PARP16: variants seen among roughly 807,000 people sequenced by gnomAD.
PARP16 encodes the protein poly(ADP-ribose) polymerase family member 16.
A neutral mutation model predicts 35.0 loss-of-function variants in PARP16; 31 were observed. The observed-to-expected ratio is 0.88, with a 90% CI of 0.66 to 1.19. The LOEUF is 1.19. Among genes scored for constraint, PARP16 ranks in the 50% most tolerant of loss-of-function variants. The probability of loss-of-function intolerance (pLI) is 0.00; values close to 1 mark genes in which losing one functional copy is unlikely to be tolerated. For missense variants in PARP16, 424 were observed against 411.2 expected, an observed-to-expected ratio of 1.03 and a Z score of -0.27; for synonymous variants, 162 against 169.5, an observed-to-expected ratio of 0.96 and a Z score of 0.34.
chr15:65,263,022 G>A (rs559885283), intron 4 of PARP16, 127 bp downstream of exon 4: 95 of 809,444 alleles, frequency 1.2e-4, no homozygotes, highest in South Asian at 1.7e-4. Context: ...GACCCTGTCC[G>A]GCACTGCCCT....
At chr15:65,285,647 T>C in intron 1 of PARP16, 1 of 178,684 alleles carries the variant, frequency 5.6e-6, no homozygotes, top group Non-Finnish European at 1.2e-5. Context: ...TGCTTTTTAT[T>C]GAATCGATTT....
At position 65,239,955 on chromosome 15, in the gene PARP16, C is replaced by CTTTTTTTTTTTTTTTT. The variant is rs367808430; in HGVS notation, c.*98-5148_*98-5133dup. ...ACAGGCGTGAGCCACCGCGTCTGAC[C>CTTTTTTTTTTTTTTTT]TTTTTTTTTTTTTTTTTTTAAATAC... On this transcript the variant is annotated intron_variant and NMD_transcript_variant, in intron 3 of 3. Coordinates refer to the PARP16 transcript ENST00000559805. 4.0e-4 allele frequency among the ~76,000 whole-genome samples: 33 copies of CTTTTTTTTTTTTTTTT among 81,722 alleles called. 6 individuals are homozygous for CTTTTTTTTTTTTTTTT. Among genetic ancestry groups the CTTTTTTTTTTTTTTTT allele is most frequent in the African/African-American group, 7.6e-4 (13 of 17,136 alleles). 53.6% of individuals were successfully genotyped at this position (81,722 alleles called of 152,430 possible).
chr15:65,275,139 G>T (rs2090211006), intron 1 of PARP16, among the ~76,000 whole-genome samples: 1 of 151,962 alleles, frequency 6.6e-6, no homozygotes, highest in East Asian at 1.9e-4. Flanking sequence ...AGCATTCACT[G>T]TCGTAACAAA....
chr15:65,282,829 G>C (rs1165953700), intron 1 of PARP16, among the ~76,000 whole-genome samples: 1 of 152,182 alleles, frequency 6.6e-6, no homozygotes, highest in Non-Finnish European at 1.5e-5. Flanking sequence ...GGGCAAGGGA[G>C]AAGGGGGAGG....
In PARP16 at chr15:65,251,009, G is replaced by A. The variant is rs1305298239; in HGVS notation, c.203-2781C>T. ...AGCGATTCTCGTGCCTCAGCCTCCCGAGTAGCTGGGATTACAGGCGTGCAC... is the reference window on the plus strand; with the variant it reads ...AGCGATTCTCGTGCCTCAGCCTCCCAAGTAGCTGGGATTACAGGCGTGCAC... On this transcript the variant is annotated intron_variant and NMD_transcript_variant, in intron 2 of 3. Transcript: ENST00000559805. Among the ~76,000 whole-genome samples, 8 of 151,992 alleles carry A rather than the reference G, an allele frequency of 5.3e-5. No homozygotes were observed. The East Asian group carries it at 5.8e-4, about 11-fold the overall frequency.
In PARP16 at chr15:65,271,082, CG is replaced by C; in HGVS notation, c.175-11del. 6.2e-7 allele frequency: 1 copy of C among 1,613,892 alleles called. No homozygotes were observed. On this transcript the variant is annotated splice_polypyrimidine_tract_variant and intron_variant, in intron 1 of 5. Coordinates refer to ENST00000649807, the MANE Select transcript of PARP16 (RefSeq NM_001316943.2). ...TGCTGGCATCTGCAAGCTGAAGCGACGGAAGAACTTCCATTAGCAAGGATCC... is the reference window on the plus strand; with the variant it reads ...TGCTGGCATCTGCAAGCTGAAGCGACGAAGAACTTCCATTAGCAAGGATCC...
At chr15:65,284,111 A>G (rs1037728579) in intron 1 of PARP16, among the ~76,000 whole-genome samples, 2 of 152,168 alleles carry the variant, frequency 1.3e-5, no homozygotes, top group African/African-American at 4.8e-5. Context: ...TTCATCAGAG[A>G]TAACGCTAAA....
chr15:65,257,836 G>A (rs759496957), downstream of PARP16, among the ~76,000 whole-genome samples: 8 of 152,028 alleles, frequency 5.3e-5, no homozygotes, highest in Admixed American at 1.3e-4. Flanking sequence ...TGCCCACCTT[G>A]CAGGCTGTCA....
intron 2 of PARP16, among the ~76,000 whole-genome samples, chr15:65,267,504 G>A (rs2089938605): frequency 6.6e-6 from 1 of 151,366 alleles, no homozygotes; most frequent in Admixed American, 6.6e-5. Context: ...CTACTCGGGA[G>A]GCTGAGGCAG....
At chr15:65,278,386 G>A (rs954388695) in intron 1 of PARP16, among the ~76,000 whole-genome samples, 1 of 152,248 alleles carries the variant, frequency 6.6e-6, no homozygotes, top group Non-Finnish European at 1.5e-5. Flanking sequence ...AAACCCGTCA[G>A]CTCACAGGCA....
At chr15:65,240,026 CG>C in intron 3 of PARP16, among the ~76,000 whole-genome samples, 1 of 145,394 alleles carries the variant, frequency 6.9e-6, no homozygotes, top group South Asian at 2.2e-4. Flanking sequence ...GGCGCGATCA[CG>C]GCTCACTGCA....
At chr15:65,250,100 T>G in intron 2 of PARP16, among the ~76,000 whole-genome samples, 1 of 136,722 alleles carries the variant, frequency 7.3e-6, no homozygotes, top group Admixed American at 8.3e-5. Flanking sequence ...GCCTTGCACC[T>G]GCTTGCCTTT....
intron 1 of PARP16, among the ~76,000 whole-genome samples, chr15:65,284,337 C>CTTTTTTT (rs34254507): frequency 7.5e-5 from 5 of 67,072 alleles, no homozygotes; most frequent in East Asian, 6.0e-4. Flanking sequence ...TTTCTTTCCT[C>CTTTTTTT]TTTTTTTTTT....
chr15:65,275,167 A>G (rs754927174), intron 1 of PARP16, among the ~76,000 whole-genome samples: 3 of 151,892 alleles, frequency 2.0e-5, no homozygotes, highest in Non-Finnish European at 4.4e-5. Flanking sequence ...ACAAACTACT[A>G]AGAGGACAAG....
chr15:65,270,368 A>G (rs688372), intron 2 of PARP16, among the ~76,000 whole-genome samples: 147,912 of 152,280 alleles, frequency 0.97, 71,963 homozygotes, highest in East Asian at 1. Flanking sequence ...TTATAAATGG[A>G]AAAAAGGAGG....
chr15:65,250,612 C>T (rs1054399232), intron 2 of PARP16, among the ~76,000 whole-genome samples: 4 of 152,170 alleles, frequency 2.6e-5, no homozygotes, highest in East Asian at 1.9e-4. Context: ...ACTTGATACA[C>T]GGTAGCATCC....
Position 65,249,802 on chromosome 15 carries a change from A to G in PARP16, c.203-1574T>C, listed in dbSNP as rs74640288. On this transcript the variant is annotated intron_variant and NMD_transcript_variant, in intron 2 of 3. Transcript: ENST00000559805. ...AGGGGCCATCCCCTTCCTGCCCCAC[A>G]TTCAGTGCCATGTGTGCCTCTGGGC... 5.2e-3 allele frequency among the ~76,000 whole-genome samples: 794 copies of G among 152,324 alleles called. 6 individuals carry two copies. Among genetic ancestry groups the G allele is most frequent in the African/African-American group, 0.018 (750 of 41,572 alleles).
intron 3 of PARP16, among the ~76,000 whole-genome samples, chr15:65,240,206 C>T (rs373894821): frequency 1.3e-5 from 2 of 151,582 alleles, no homozygotes; most frequent in East Asian, 3.9e-4. Context: ...AGCAGTGGCT[C>T]GGCTCACTGC....
chr15:65,245,590 C>G (rs958787994), intron 3 of PARP16, among the ~76,000 whole-genome samples: 2 of 152,096 alleles, frequency 1.3e-5, no homozygotes. Flanking sequence ...TGTATGGAAG[C>G]AGCTGTTTGC....
Sources: allele counts gnomAD v4.1 joint callset (sites outside exome capture counted in the v4.1 genomes callset), GRCh38; gene constraint gnomAD v4.1.1; transcripts MANE v1.5; gene names NCBI Gene and HGNC (gene_info 2026-07-23, HGNC 2026-07-21).